Variants in THSD7A observed in about 807,000 individuals in gnomAD.
THSD7A encodes thrombospondin type-1 domain-containing protein 7A.
In THSD7A, 96 loss-of-function variants were observed where a neutral mutation model predicts 231.3. The ratio of observed to expected loss-of-function variants is 0.41; its 90% CI spans 0.35 to 0.49. THSD7A has a LOEUF of 0.49. Among genes scored for constraint, THSD7A ranks in the 20% least tolerant of loss-of-function variants. The pLI is 0.05. For synonymous variants in THSD7A, 940 were observed against 743.3 expected (o/e 1.26, Z -4.30); for missense variants, 2,290 against 2,070.2 (o/e 1.11, Z -2.06).
intron 9 of THSD7A, among the ~76,000 whole-genome samples, chr7:11,469,085 TAGTA>T (rs1355183224): frequency 2.0e-5 from 3 of 152,112 alleles, no homozygotes; most frequent in African/African-American, 7.2e-5. Context: ...TGAATCTCTC[TAGTA>T]AGTGTTAAGA....
intron 17 of THSD7A, chr7:11,414,198 A>T (rs1783883670): frequency 6.6e-6 from 1 of 152,254 alleles, no homozygotes; most frequent in African/African-American, 2.4e-5. Context: ...CTTCCTAATA[A>T]GAAACCACTG....
intron 10 of THSD7A, among the ~76,000 whole-genome samples, chr7:11,461,261 C>T (rs1785495760): frequency 1.3e-5 from 2 of 152,096 alleles, no homozygotes; most frequent in South Asian, 2.1e-4. Flanking sequence ...TGTCAATGTG[C>T]ATGGTGTAAG....
chr7:11,564,937 A>T (rs956887109), intron 4 of THSD7A, among the ~76,000 whole-genome samples: 1 of 152,226 alleles, frequency 6.6e-6, no homozygotes, highest in Non-Finnish European at 1.5e-5. Flanking sequence ...CATCATTGTT[A>T]GAATTTAAAT....
intron 8 of THSD7A, among the ~76,000 whole-genome samples, chr7:11,470,554 C>T (rs1451978250): frequency 2.0e-5 from 3 of 151,640 alleles, no homozygotes; most frequent in African/African-American, 7.3e-5. Flanking sequence ...GATAATAAAA[C>T]TGTATAAATC....
At chr7:11,388,403 C>T (rs1348971291) in intron 23 of THSD7A, among the ~76,000 whole-genome samples, 4 of 152,094 alleles carry the variant, frequency 2.6e-5, no homozygotes, top group Non-Finnish European at 4.4e-5. Context: ...TCGACTTCTT[C>T]CTGGTTTAGA....
At chr7:11,830,497 A>T (rs1785161275) in intron 1 of THSD7A, among the ~76,000 whole-genome samples, 2 of 152,348 alleles carry the variant, frequency 1.3e-5, no homozygotes, top group Admixed American at 6.5e-5. Context: ...ATTTTATTTC[A>T]TTTGAATTCA....
intron 17 of THSD7A, among the ~76,000 whole-genome samples, chr7:11,415,046 G>A (rs565690061): frequency 6.6e-6 from 1 of 152,172 alleles, no homozygotes; most frequent in East Asian, 1.9e-4. Flanking sequence ...CATCCTAAAG[G>A]TTTCTTCACA....
rs377618375 is a variant in THSD7A, at chr7:11,543,070, T to C, written c.1501A>G (p.Thr501Ala). Residue 501 changes from threonine to alanine, a missense_variant, in exon 5 of 28, where the codon ACT becomes GCT. Coordinates refer to ENST00000423059, the MANE Select transcript of THSD7A (RefSeq NM_015204.3). The stretch of plus-strand genomic sequence containing the variant: ...CAAGGAATGTGGCACAGCTGTGTAG[T>C]ATTAGGGATAGGTCCAGTGCATAAT... The part of the protein sequence containing the change: ...LKLCTGPIPN[T>A]TQLCHIPCPT... 38 of 1,613,676 alleles carry C rather than the reference T, an allele frequency of 2.4e-5. No homozygotes were observed. The African/African-American group carries it at 4.0e-4, about 17-fold the overall frequency.
intron 23 of THSD7A, among the ~76,000 whole-genome samples, chr7:11,399,672 A>C (rs1562578964): frequency 6.6e-6 from 1 of 152,218 alleles, no homozygotes; most frequent in Non-Finnish European, 1.5e-5. Context: ...CAGGTGCTGG[A>C]GAGGATCTGG....
intron 1 of THSD7A, among the ~76,000 whole-genome samples, chr7:11,706,917 G>A (rs1277290637): frequency 6.7e-6 from 1 of 150,282 alleles, no homozygotes; most frequent in African/African-American, 2.4e-5. Context: ...CTGATTCAGG[G>A]TTTTTCAGCT....
intron 1 of THSD7A, among the ~76,000 whole-genome samples, chr7:11,663,253 TAA>T (rs765184280): frequency 2.0e-5 from 3 of 151,358 alleles, no homozygotes; most frequent in Non-Finnish European, 3.0e-5. Flanking sequence ...TTATGCCACA[TAA>T]GTTTGAAAAA....
rs1251890187 is a variant in THSD7A at position 11,462,083 on chromosome 7, C to T, written c.2429G>A (p.Gly810Glu). 1.9e-6 allele frequency: 3 copies of T among 1,613,692 alleles called. No individual in the cohort carries two copies. The highest frequency in any genetic ancestry group is 2.5e-6 in the Non-Finnish European group (3 of 1,179,778). The stretch of plus-strand genomic sequence containing the variant: ...GAGGGGATCTGTGCAGTCTCGGCCC[C>T]CGTTGGCTGGCAGCTGAATGATGAC... ...HRVIIQLPAN[G>E]GRDCTDPLYE... Residue 810 changes from glycine to glutamate, a missense_variant, in exon 10 of 28, where the codon GGG (glycine) becomes GAG (glutamate). Gly to Glu is a moderately conservative substitution (Grantham distance 98, BLOSUM62 -2). Transcript: ENST00000423059.
intron 1 of THSD7A, among the ~76,000 whole-genome samples, chr7:11,779,485 C>A (rs1783553220): frequency 2.0e-5 from 3 of 152,180 alleles, no homozygotes. Flanking sequence ...AAACTAGATT[C>A]ATTATTTAAA....
chr7:11,469,797 A>G (rs1424193777), intron 9 of THSD7A, 82 bp downstream of exon 9: 1 of 937,332 alleles, frequency 1.1e-6, no homozygotes, highest in Non-Finnish European at 1.7e-6. Context: ...AAAACTCACA[A>G]ACATTGCTAG....
At chr7:11,422,485 C>A (rs1784178470) in intron 16 of THSD7A, among the ~76,000 whole-genome samples, 6 of 151,228 alleles carry the variant, frequency 4.0e-5, no homozygotes, top group Admixed American at 4.0e-4. Context: ...GCAATCAATA[C>A]TGACCTCTCT....
At chr7:11,455,720 C>A (rs1432794494) in intron 11 of THSD7A, among the ~76,000 whole-genome samples, 1 of 151,996 alleles carries the variant, frequency 6.6e-6, no homozygotes, top group Non-Finnish European at 1.5e-5. Flanking sequence ...AGAGACTCTA[C>A]CTATATTCTT....
Position 11,492,117 on chromosome 7 carries a change from C to T in THSD7A, c.1823-10135G>A, listed in dbSNP as rs571413129. On this transcript the variant is annotated intron_variant, in intron 6 of 27. Coordinates refer to ENST00000423059, the MANE Select transcript of THSD7A (RefSeq NM_015204.3). ...TGTTTTAGAGACATTCCGCCATCTG[C>T]CCCCACTTGACACACCTTGTCTAGC... Among the ~76,000 whole-genome samples, 3 of 152,072 alleles carry T rather than the reference C, an allele frequency of 2.0e-5. No individual in the cohort carries two copies. In the South Asian group the frequency reaches 6.2e-4, roughly 32 times the overall value.
intron 17 of THSD7A, among the ~76,000 whole-genome samples, chr7:11,413,436 G>GA (rs887254522): frequency 2.6e-4 from 40 of 151,932 alleles, no homozygotes; most frequent in African/African-American, 9.4e-4. Context: ...AAGCCCTTTG[G>GA]AAAAACTCAC....
In THSD7A at chr7:11,374,266, G is replaced by C. The variant is rs1416436674; in HGVS notation, c.*1528C>G. On this transcript the variant is annotated 3_prime_UTR_variant, in exon 28 of 28. Coordinates refer to ENST00000423059, the MANE Select transcript of THSD7A (RefSeq NM_015204.3). ...AGCAGAATGGCAAAGTTGAGAAGTT[G>C]CAACATAGACCTTGTGGAAAATATT... The C allele has an allele frequency of 6.6e-6, 1 of 152,112 alleles. No homozygotes were observed. Among genetic ancestry groups the C allele is most frequent in the Non-Finnish European group, 1.5e-5 (1 of 67,992 alleles). The allele number at this position is 152,112 out of a possible 1,614,324, so 9.4% of individuals were successfully genotyped here.
Sources: gnomAD v4.1 joint callset for allele counts (sites outside exome capture counted in the v4.1 genomes callset) on GRCh38, gnomAD v4.1.1 for gene constraint, MANE v1.5 for transcripts, NCBI Gene and HGNC (gene_info 2026-07-23, HGNC 2026-07-21) for gene names.